Variants in NR3C2 observed in about 807,000 individuals in gnomAD.
NR3C2 encodes nuclear receptor subfamily 3 group C member 2.
NR3C2 carries 15 observed loss-of-function variants against 86.4 expected under a neutral mutation model. The observed-to-expected ratio is 0.17, with a 90% CI of 0.12 to 0.27. The LOEUF is 0.27. Among genes scored for constraint, NR3C2 ranks in the 10% least tolerant of loss-of-function variants. The pLI, the probability that NR3C2 is intolerant of heterozygous loss-of-function variation, is 1.00. For missense variants in NR3C2, 960 were observed against 1,195.6 expected (o/e 0.80, Z 2.91); for synonymous variants, 458 against 450.5 (o/e 1.02, Z -0.21).
intron 2 of NR3C2, among the ~76,000 whole-genome samples, chr4:148,263,422 A>G (rs1740228743): frequency 6.6e-6 from 1 of 152,192 alleles, no homozygotes; most frequent in Non-Finnish European, 1.5e-5. Flanking sequence ...GCTTCTCTGC[A>G]TCCCACTGTT....
intron 2 of NR3C2, among the ~76,000 whole-genome samples, chr4:148,295,957 A>G (rs1232260546): frequency 1.3e-5 from 2 of 150,348 alleles, no homozygotes; most frequent in African/African-American, 4.9e-5. Context: ...TTTCATCCAG[A>G]AACATGGCAA....
chr4:148,220,444 A>G (rs1193561144), intron 3 of NR3C2, among the ~76,000 whole-genome samples: 1 of 152,196 alleles, frequency 6.6e-6, no homozygotes, highest in Non-Finnish European at 1.5e-5. Flanking sequence ...AGGCTTAAGA[A>G]CAACAGAGGG....
intron 2 of NR3C2, among the ~76,000 whole-genome samples, chr4:148,305,245 C>A (rs1471104069): frequency 6.6e-6 from 1 of 151,982 alleles, no homozygotes; most frequent in African/African-American, 2.4e-5. Flanking sequence ...AATTTTTGTT[C>A]TAGATCAAGT....
chr4:148,433,969 A>G (rs1299669934), intron 2 of NR3C2, among the ~76,000 whole-genome samples: 1 of 152,208 alleles, frequency 6.6e-6, no homozygotes, highest in Non-Finnish European at 1.5e-5. Flanking sequence ...TAAGCAAGAA[A>G]AGCAAGGTTT....
At chr4:148,362,962 T>C (rs1298164665) in intron 2 of NR3C2, among the ~76,000 whole-genome samples, 2 of 152,312 alleles carry the variant, frequency 1.3e-5, no homozygotes, top group East Asian at 3.9e-4. Context: ...CTTTCTCCCA[T>C]ACTACACAAC....
intron 2 of NR3C2, among the ~76,000 whole-genome samples, chr4:148,413,550 C>G (rs1467576799): frequency 6.6e-6 from 1 of 151,802 alleles, no homozygotes; most frequent in East Asian, 1.9e-4. Context: ...AGTTAAAGCA[C>G]AAGCAGTAGA....
At chr4:148,279,747 G>C (rs1452545975) in intron 2 of NR3C2, among the ~76,000 whole-genome samples, 1 of 151,940 alleles carries the variant, frequency 6.6e-6, no homozygotes, top group East Asian at 1.9e-4. Flanking sequence ...ATTTTTTTGA[G>C]ACAGAGTTTC....
At chr4:148,265,543 C>T (rs1740340745) in intron 2 of NR3C2, among the ~76,000 whole-genome samples, 2 of 152,138 alleles carry the variant, frequency 1.3e-5, no homozygotes, top group Admixed American at 6.5e-5. Context: ...GCGACTGATC[C>T]ACTTTCAGTG....
At chr4:148,347,753 C>G (rs554240544) in intron 2 of NR3C2, among the ~76,000 whole-genome samples, 10 of 152,230 alleles carry the variant, frequency 6.6e-5, no homozygotes, top group African/African-American at 1.2e-4. Flanking sequence ...CTTACAACCT[C>G]ATGACACAAA....
intron 2 of NR3C2, among the ~76,000 whole-genome samples, chr4:148,326,425 T>C (rs1270327562): frequency 6.8e-6 from 1 of 147,318 alleles, no homozygotes; most frequent in East Asian, 1.9e-4. Context: ...ATAAATAAAA[T>C]AAAAAATAAA....
intron 4 of NR3C2, among the ~76,000 whole-genome samples, chr4:148,168,151 G>A (rs1469139158): frequency 6.6e-6 from 1 of 152,130 alleles, no homozygotes; most frequent in South Asian, 2.1e-4. Flanking sequence ...TTAATCTTAG[G>A]GCCCAATAAA....
At chr4:148,367,637 C>T (rs1746214324) in intron 2 of NR3C2, among the ~76,000 whole-genome samples, 1 of 152,008 alleles carries the variant, frequency 6.6e-6, no homozygotes, top group Non-Finnish European at 1.5e-5. Context: ...ACAATCCCAA[C>T]CTAATATCCA....
intron 2 of NR3C2, among the ~76,000 whole-genome samples, chr4:148,328,596 ACTT>A (rs1288759071): frequency 6.6e-6 from 1 of 152,046 alleles, no homozygotes; most frequent in Non-Finnish European, 1.5e-5. Context: ...CAGCAACCAA[ACTT>A]CTTGTCCTCT....
chr4:148,255,082 A>AC (rs1404443746), intron 3 of NR3C2, among the ~76,000 whole-genome samples: 1 of 148,064 alleles, frequency 6.8e-6, no homozygotes, highest in Non-Finnish European at 1.5e-5. Flanking sequence ...GCCCCCCCCC[A>AC]ACACACACCT....
At chr4:148,217,247 G>A (rs538251412) in intron 3 of NR3C2, among the ~76,000 whole-genome samples, 13 of 152,340 alleles carry the variant, frequency 8.5e-5, no homozygotes, top group African/African-American at 3.1e-4. Flanking sequence ...TGAAGCTTCT[G>A]TTGACCTCCC....
At chr4:148,426,195 C>T (rs1022254095) in intron 2 of NR3C2, among the ~76,000 whole-genome samples, 1 of 152,184 alleles carries the variant, frequency 6.6e-6, no homozygotes, top group Non-Finnish European at 1.5e-5. Flanking sequence ...CATTGTGCCT[C>T]CACCCCATGC....
intron 4 of NR3C2, among the ~76,000 whole-genome samples, chr4:148,166,725 T>C (rs767272392): frequency 1.3e-5 from 2 of 151,920 alleles, no homozygotes; most frequent in Admixed American, 6.6e-5. Context: ...AGGTTTTTTA[T>C]TTTTCATGAT....
At chr4:148,312,477 T>A (rs1216680404) in intron 2 of NR3C2, among the ~76,000 whole-genome samples, 3 of 152,184 alleles carry the variant, frequency 2.0e-5, no homozygotes, top group Non-Finnish European at 2.9e-5. Flanking sequence ...GCATTTACCA[T>A]TATCGAAATA....
In NR3C2 at chr4:148,376,209, T is replaced by C. The variant is rs578038057; in HGVS notation, c.1757+58895A>G. Among the ~76,000 whole-genome samples, 8 of 151,118 alleles carry C rather than the reference T, an allele frequency of 5.3e-5. No individual in the cohort carries two copies. The South Asian group carries it at 8.4e-4, about 16-fold the overall frequency. On this transcript the variant is annotated intron_variant, in intron 2 of 8. Coordinates refer to ENST00000358102, the MANE Select transcript of NR3C2 (RefSeq NM_000901.5). ...AACCACAACAACTGTTTTTCTCTCT[T>C]GCCATAGATGAAACTCTTTGGTGTA...
Sources: allele counts gnomAD v4.1 joint callset (sites outside exome capture counted in the v4.1 genomes callset), GRCh38; gene constraint gnomAD v4.1.1; transcripts MANE v1.5; gene names NCBI Gene and HGNC (gene_info 2026-07-23, HGNC 2026-07-21).